Variants in PPP2R5C observed in about 807,000 individuals in gnomAD.
PPP2R5C encodes the protein protein phosphatase 2 regulatory subunit B'gamma, also known as serine/threonine-protein phosphatase 2A 56 kDa regulatory subunit gamma isoform.
A neutral mutation model predicts 68.9 loss-of-function variants in PPP2R5C; 7 were observed. The observed-to-expected ratio is 0.10, with a 90% CI of 0.06 to 0.19. PPP2R5C has a LOEUF of 0.19. PPP2R5C is among the 10% of genes least tolerant of loss of function. The pLI, the probability that PPP2R5C is intolerant of heterozygous loss-of-function variation, is 1.00. For missense variants in PPP2R5C, 348 were observed against 641.3 expected (o/e 0.54, Z 4.94); for synonymous variants, 210 against 222.2 (o/e 0.95, Z 0.49).
chr14:101,874,629 T>G (rs1180164775), intron 2 of PPP2R5C, among the ~76,000 whole-genome samples: 1 of 152,258 alleles, frequency 6.6e-6, no homozygotes, highest in African/African-American at 2.4e-5. Flanking sequence ...ATTTTCATGC[T>G]TATCTGAAGA....
Position 101,824,178 on chromosome 14 carries a change from A to T in PPP2R5C, c.94+14142A>T, listed in dbSNP as rs536504892. ...GCAAGAGTATTTTCGTGGTAAACGT[A>T]AACTTACTATTGGTAAAGATTCTTA... On this transcript the variant is annotated intron_variant, in intron 1 of 13. Transcript: ENST00000334743. The T allele has an allele frequency of 9.8e-5, 124 of 1,264,974 alleles. 1 individual carries two copies. The African/African-American group carries it at 1.9e-3, about 19-fold the overall frequency. The allele number at this position is 1,264,974 out of a possible 1,614,324, so 78.4% of individuals were successfully genotyped here.
chr14:101,760,589 G>T, upstream of PPP2R5C: 1 of 650,696 alleles, frequency 1.5e-6, no homozygotes, highest in Non-Finnish European at 1.9e-6. Flanking sequence ...TGCGGAGGGC[G>T]GGACCAACCA....
intron 2 of PPP2R5C, among the ~76,000 whole-genome samples, chr14:101,776,881 CTTTTT>C (rs1302841711): frequency 7.1e-6 from 1 of 140,272 alleles, no homozygotes; most frequent in African/African-American, 2.6e-5. Flanking sequence ...ACCTCATTCC[CTTTTT>C]TTTTTTTTTT....
At chr14:101,831,177 AT>A (rs1362618337) in intron 1 of PPP2R5C, among the ~76,000 whole-genome samples, 1 of 152,098 alleles carries the variant, frequency 6.6e-6, no homozygotes, top group Non-Finnish European at 1.5e-5. Context: ...AGTTTTGTTT[AT>A]TTTTTTATTT....
intron 1 of PPP2R5C, among the ~76,000 whole-genome samples, chr14:101,848,829 C>T (rs1467619227): frequency 1.3e-5 from 2 of 152,154 alleles, no homozygotes; most frequent in Non-Finnish European, 2.9e-5. Flanking sequence ...TAGCCATATG[C>T]ATGTATCTTT....
At chr14:101,844,347 C>G (rs1295633823) in intron 1 of PPP2R5C, among the ~76,000 whole-genome samples, 1 of 152,124 alleles carries the variant, frequency 6.6e-6, no homozygotes, top group Non-Finnish European at 1.5e-5. Flanking sequence ...AGAGATTGGA[C>G]ACACACGTGC....
chr14:101,876,930 A>G (rs1195922451), intron 2 of PPP2R5C, among the ~76,000 whole-genome samples: 2 of 150,094 alleles, frequency 1.3e-5, no homozygotes, highest in East Asian at 1.9e-4. Context: ...AAATAAAAAA[A>G]GGATTTACGC....
chr14:101,803,098 A>G (rs1475467347), intron 3 of PPP2R5C: 1 of 152,074 alleles, frequency 6.6e-6, no homozygotes, highest in African/African-American at 2.4e-5. Flanking sequence ...GGTCCCAGCT[A>G]CTCGGGAGGC....
At chr14:101,808,039 G>A (rs967361873), upstream of PPP2R5C, among the ~76,000 whole-genome samples, 1 of 150,700 alleles carries the variant, frequency 6.6e-6, no homozygotes, top group African/African-American at 2.4e-5. Flanking sequence ...TCCTTCCTGA[G>A]CCCCTGAACG....
chr14:101,869,653 G>C (rs12891885), intron 2 of PPP2R5C, among the ~76,000 whole-genome samples: 11,323 of 151,950 alleles, frequency 0.075, 467 homozygotes, highest in Middle Eastern at 0.14. Flanking sequence ...ATTATGCCAG[G>C]CTTGTTTGTT....
At chr14:101,904,704 C>G (rs2141052655) in intron 9 of PPP2R5C, among the ~76,000 whole-genome samples, 1 of 152,342 alleles carries the variant, frequency 6.6e-6, no homozygotes, top group South Asian at 2.1e-4. Context: ...CACACCGCAC[C>G]ACAACCTCAG....
At chr14:101,885,517 C>T (rs111494560) in intron 5 of PPP2R5C, among the ~76,000 whole-genome samples, 2,810 of 140,640 alleles carry the variant, frequency 0.02, 160 homozygotes, top group African/African-American at 0.079. Context: ...GCACAGCCTG[C>T]GTCAGGAGCA....
At chr14:101,772,864 T>C (rs542387557) in intron 2 of PPP2R5C, among the ~76,000 whole-genome samples, 35 of 152,310 alleles carry the variant, frequency 2.3e-4, no homozygotes, top group African/African-American at 8.2e-4. Context: ...CCTCCCATTC[T>C]CAGACCTGCT....
intron 13 of PPP2R5C, among the ~76,000 whole-genome samples, chr14:101,919,980 A>AAACAAAACAAAAC (rs1555403919): frequency 8.8e-6 from 1 of 114,144 alleles, no homozygotes; most frequent in African/African-American, 4.5e-5. Context: ...AAAAAAAAAA[A>AAACAAAACAAAAC]AAAAAAAAAA....
intron 8 of PPP2R5C, 57 bp from the exon 11 acceptor site, chr14:101,901,662 A>G (rs2045701001): frequency 6.4e-7 from 1 of 1,560,366 alleles, no homozygotes; most frequent in South Asian, 1.1e-5. Flanking sequence ...ACTTCTTACC[A>G]TGCAGGTGTT....
chr14:101,772,432 T>G (rs1235751850), intron 2 of PPP2R5C, among the ~76,000 whole-genome samples: 2 of 152,134 alleles, frequency 1.3e-5, no homozygotes, highest in African/African-American at 4.8e-5. Context: ...AGTCTTTCTT[T>G]ATAGACATTT....
chr14:101,909,874 G>C (rs1162267434), intron 11 of PPP2R5C, among the ~76,000 whole-genome samples, 184 bp downstream of exon 13: 1 of 152,176 alleles, frequency 6.6e-6, no homozygotes, highest in East Asian at 1.9e-4. Flanking sequence ...GGTGTTTAAA[G>C]GTAGCTATTC....
At chr14:101,783,737 C>T (rs1001836521) in intron 2 of PPP2R5C, among the ~76,000 whole-genome samples, 5 of 152,160 alleles carry the variant, frequency 3.3e-5, no homozygotes, top group African/African-American at 1.2e-4. Flanking sequence ...ACGGGGGAGC[C>T]CTGTCATTGG....
chr14:101,799,891 C>T (rs1016103685), intron 3 of PPP2R5C, among the ~76,000 whole-genome samples: 14 of 152,202 alleles, frequency 9.2e-5, no homozygotes, highest in African/African-American at 2.9e-4. Context: ...TTTCTTTGTT[C>T]CTAGCCTGTG....
Sources: gnomAD v4.1 joint callset for allele counts (sites outside exome capture counted in the v4.1 genomes callset) on GRCh38, gnomAD v4.1.1 for gene constraint, MANE v1.5 for transcripts, NCBI Gene and HGNC (gene_info 2026-07-23, HGNC 2026-07-21) for gene names.